Variants in TTC21A observed in about 807,000 individuals in gnomAD.
The protein encoded by TTC21A is tetratricopeptide repeat protein 21A.
In TTC21A, 128 loss-of-function variants were observed where a neutral mutation model predicts 156.4. The ratio of observed to expected loss-of-function variants is 0.82; its 90% CI spans 0.71 to 0.95. The LOEUF is 0.95. Ranked by LOEUF, TTC21A falls within the 40% of genes least tolerant of loss-of-function variation. The probability of loss-of-function intolerance (pLI) is 0.00; values close to 1 mark genes in which losing one functional copy is unlikely to be tolerated. For missense variants in TTC21A, 1,435 were observed against 1,602.3 expected (o/e 0.90, Z 1.78); for synonymous variants, 587 against 617.1 (o/e 0.95, Z 0.72).
At position 39,114,755 on chromosome 3, in the gene TTC21A, A is replaced by G. The variant is rs1411657471; in HGVS notation, c.716+13A>G. ...AAATGGGACACAGGTGAGCTACTGC[A>G]CAAATGGGCAGCCAAGGGTGGTAAC... On this transcript the variant is annotated intron_variant, in intron 6 of 28. Coordinates refer to ENST00000683103, the MANE Select transcript of TTC21A (RefSeq NM_001366900.1). The G allele has an allele frequency of 1.9e-6, 3 of 1,613,974 alleles. No homozygotes were observed. The highest frequency in any genetic ancestry group is 2.5e-6 in the Non-Finnish European group (3 of 1,179,966).
At chr3:39,135,035 T>G in intron 21 of TTC21A, 58 bp from the exon 22 acceptor site, 9 of 752,258 alleles carry the variant, frequency 1.2e-5, no homozygotes, top group Non-Finnish European at 1.6e-5. Flanking sequence ...CGCCTCCCCC[T>G]ACACCCATGC....
At chr3:39,121,559 T>C (rs1236324991) in intron 9 of TTC21A, among the ~76,000 whole-genome samples, 1 of 152,192 alleles carries the variant, frequency 6.6e-6, no homozygotes, top group Non-Finnish European at 1.5e-5. Context: ...AGCCTCTAGA[T>C]TCACCTCTGT....
In TTC21A at chr3:39,128,895, T is replaced by C. The variant is rs375065952; in HGVS notation, c.1859T>C (p.Leu620Ser). Residue 620 changes from leucine (L) to serine (S), a missense_variant, in exon 14 of 29, where the codon TTG becomes TCG. Leu to Ser is a moderately radical substitution (Grantham distance 145, BLOSUM62 -2). Transcript: ENST00000683103. ...VQPSQRASILLELVEALRLNG... is the reference protein window; with the variant it reads ...VQPSQRASILSELVEALRLNG... ...CCTAGCCAGCGGGCATCCATCTTAT[T>C]GGAACTGGTGGAGGCCCTCCGGCTG... The C allele has an allele frequency of 3.7e-6, 6 of 1,614,064 alleles. No homozygotes were observed. The highest frequency in any genetic ancestry group is 5.1e-6 in the Non-Finnish European group (6 of 1,180,034).
In TTC21A at chr3:39,134,153, A is replaced by G; in HGVS notation, c.2752-65A>G. 9.7e-7 allele frequency: 1 copy of G among 1,029,570 alleles called. No homozygotes were observed. Among genetic ancestry groups the G allele is most frequent in the Admixed American group, 1.7e-5 (1 of 57,608 alleles). 63.8% of individuals were successfully genotyped at this position (1,029,570 alleles called of 1,614,324 possible). A position where few individuals can be genotyped will look rare whatever the true frequency, so the allele number is the denominator to read the frequency against. On this transcript the variant is annotated intron_variant, in intron 20 of 28. Transcript: ENST00000683103. The surrounding 1 kb of genome is among the most constrained non-coding windows in gnomAD (Gnocchi z 4.6). ...TGGGGTGTGAGGGAAAGAGCTGTCA[A>G]GGATAACCCCAGGGGTTTCCCATGG...
rs781458156 is a variant in TTC21A at position 39,128,411 on chromosome 3, T to C, written c.1603T>C (p.Cys535Arg). Residue 535 changes from cysteine (C) to arginine (R), a missense_variant, in exon 13 of 29, where the codon TGT becomes CGT. By Grantham distance (180) the Cys-to-Arg change is radical (BLOSUM62 -3). Coordinates refer to ENST00000683103, the MANE Select transcript of TTC21A (RefSeq NM_001366900.1). ...PASVDAHLLM[C>R]QIYLAQGNFG... Reference sequence around the variant, plus strand: ...CTCCGTGGATGCCCATCTCCTCATGTGTCAGATCTACTTGGCTCAGGGCAA... The same window carrying C: ...CTCCGTGGATGCCCATCTCCTCATGCGTCAGATCTACTTGGCTCAGGGCAA... 6.2e-7 allele frequency: 1 copy of C among 1,614,204 alleles called. No homozygotes were observed. Among genetic ancestry groups the C allele is most frequent in the Non-Finnish European group, 8.5e-7 (1 of 1,180,038 alleles).
intron 3 of TTC21A, 82 bp from the exon 4 acceptor site, chr3:39,110,769 C>G (rs2036752106): frequency 6.6e-7 from 1 of 1,520,846 alleles, no homozygotes; most frequent in Non-Finnish European, 9.0e-7. Context: ...GAGGTAGTTC[C>G]CTGGGCCCTC....
chr3:39,112,906 C>T (rs1033732621), intron 5 of TTC21A, among the ~76,000 whole-genome samples: 1 of 152,106 alleles, frequency 6.6e-6, no homozygotes, highest in Non-Finnish European at 1.5e-5. Context: ...ACTCAGTGCC[C>T]TTCTCCCTTT....
intron 8 of TTC21A, among the ~76,000 whole-genome samples, chr3:39,120,482 A>G (rs1008767269): frequency 1.3e-5 from 2 of 152,200 alleles, no homozygotes; most frequent in African/African-American, 2.4e-5. Context: ...ACAAATCTGT[A>G]TCTCTTTCAG....
Position 39,129,288 on chromosome 3 carries a change from C to A in TTC21A, c.2113C>A (p.Arg705Ser), listed in dbSNP as rs764328843. 6.2e-7 allele frequency: 1 copy of A among 1,614,026 alleles called. No individual in the cohort carries two copies. The highest frequency in any genetic ancestry group is 8.5e-7 in the Non-Finnish European group (1 of 1,179,860). ...NIYLQTLRDR[R>S]LYIRCYRELC... ...CTACCTGCAGACCCTCAGAGACAGG[C>A]GCCTCTACATCAGATGCTACCGGTA... Residue 705 changes from arginine (R) to serine (S), a missense_variant, in exon 15 of 29, where the codon CGC (arginine) becomes AGC (serine). By Grantham distance (110) the Arg-to-Ser change is moderately radical. Coordinates refer to ENST00000683103, the MANE Select transcript of TTC21A (RefSeq NM_001366900.1).
chr3:39,128,383 C>T lies in TTC21A; in HGVS notation c.1575C>T (p.Pro525=), dbSNP rs185930978. ...TGCAGCGTTGCCTGGAGCTGGACCCCGCCTCCGTGGATGCCCATCTCCTCA... is the reference window on the plus strand; with the variant it reads ...TGCAGCGTTGCCTGGAGCTGGACCCTGCCTCCGTGGATGCCCATCTCCTCA... ...SILQRCLELD[P]ASVDAHLLMC... The change falls in exon 13 of 29, where the codon CCC becomes CCT. Residue 525 remains proline, a synonymous_variant. Coordinates refer to ENST00000683103, the MANE Select transcript of TTC21A (RefSeq NM_001366900.1). The T allele has an allele frequency of 7.2e-5, 117 of 1,614,152 alleles. No homozygotes were observed. The Admixed American group carries it at 9.7e-4, about 13-fold the overall frequency.
At position 39,117,654 on chromosome 3, in the gene TTC21A, G is replaced by T. The variant is rs1056917909; in HGVS notation, c.717-415G>T. ...AAAGGTTATTCCTCCTCCAGGCAAA[G>T]TTGGTGGTGGCTCAGGGCTGGGATG... On this transcript the variant is annotated intron_variant, in intron 6 of 28. Transcript: ENST00000683103. 5.9e-5 allele frequency among the ~76,000 whole-genome samples: 9 copies of T among 152,202 alleles called. No homozygotes were observed. In the East Asian group the frequency reaches 1.7e-3, roughly 29 times the overall value.
At chr3:39,110,248 G>A (rs1232062567) in intron 3 of TTC21A, 109 bp downstream of exon 3, 1 of 818,434 alleles carries the variant, frequency 1.2e-6, no homozygotes, top group Admixed American at 2.0e-5. Context: ...GTGCCCTGGT[G>A]GCTGTGCAGA....
chr3:39,124,674 G>A lies in TTC21A; in HGVS notation c.1094-389G>A, dbSNP rs199899545. 2.4e-3 allele frequency among the ~76,000 whole-genome samples: 138 copies of A among 57,754 alleles called. 1 individual carries two copies. The highest frequency in any genetic ancestry group is 9.2e-3 in the East Asian group (10 of 1,084). 37.9% of individuals were successfully genotyped at this position (57,754 alleles called of 152,430 possible). On this transcript the variant is annotated intron_variant, in intron 9 of 28. Transcript: ENST00000683103. ...ACTCCGTCTCAAAAAAAAAAAAAAA[G>A]CAGATTGTAGAATGGTGTATGTGAA...
intron 9 of TTC21A, among the ~76,000 whole-genome samples, chr3:39,121,701 A>T (rs1013167376): frequency 6.6e-6 from 1 of 152,170 alleles, no homozygotes; most frequent in South Asian, 2.1e-4. Flanking sequence ...CTACAGTGCC[A>T]TTTCCATTTT....
chr3:39,123,652 A>G (rs922766436), intron 9 of TTC21A, among the ~76,000 whole-genome samples: 9 of 152,058 alleles, frequency 5.9e-5, no homozygotes, highest in African/African-American at 2.2e-4. Flanking sequence ...TGGAAGCTGC[A>G]AAGTTTGGCT....
chr3:39,114,662 C>A lies in TTC21A; in HGVS notation c.636C>A (p.Ser212Arg). The A allele has an allele frequency of 1.9e-6, 3 of 1,614,192 alleles. No individual in the cohort carries two copies. Among genetic ancestry groups the A allele is most frequent in the Non-Finnish European group, 2.5e-6 (3 of 1,180,024 alleles). ...VVNQITVTSG[S>R]FLPALVLKMQ... is the part of the protein sequence containing the mutation. ...ACCAGATCACTGTGACTTCAGGGAG[C>A]TTCCTGCCAGCCCTCGTCCTGAAGA... The change falls in exon 6 of 29, where the codon AGC (serine) becomes AGA (arginine). Residue 212 changes from serine (S) to arginine (R), a missense_variant. Transcript: ENST00000683103.
chr3:39,134,996 C>T lies in TTC21A; in HGVS notation c.2863-97C>T, dbSNP rs2039001117. 2 of 1,079,820 alleles carry T rather than the reference C, an allele frequency of 1.9e-6. No individual in the cohort carries two copies. Among genetic ancestry groups the T allele is most frequent in the Non-Finnish European group, 2.9e-6 (2 of 697,548 alleles). The allele number at this position is 1,079,820 out of a possible 1,614,324, so 66.9% of individuals were successfully genotyped here. A position where few individuals can be genotyped will look rare whatever the true frequency, so the allele number is the denominator to read the frequency against. ...CCTTGCAAGTCCTTTTCTACCTTCC[C>T]TTCTTACCACCATCACCCCCATACC... On this transcript the variant is annotated intron_variant, in intron 21 of 28. Coordinates refer to ENST00000683103, the MANE Select transcript of TTC21A (RefSeq NM_001366900.1). The surrounding 1 kb of genome is among the most constrained non-coding windows in gnomAD (Gnocchi z 4.6).
rs754883644 is a variant in TTC21A at position 39,121,068 on chromosome 3, G to A, written c.972G>A (p.Ser324=). 35 of 1,613,932 alleles carry A rather than the reference G, an allele frequency of 2.2e-5. 1 individual carries two copies. Among genetic ancestry groups the A allele is most frequent in the South Asian group, 5.5e-5 (5 of 91,084 alleles). The change falls in exon 9 of 29, where the codon TCG becomes TCA. Residue 324 remains serine, a synonymous_variant. Transcript: ENST00000683103. ...AGCGCACCTTCATGGCCACCCCCTCGTATGTCCATGTGGCCACAGAACTGG... is the reference window on the plus strand; with the variant it reads ...AGCGCACCTTCATGGCCACCCCCTCATATGTCCATGTGGCCACAGAACTGG... The part of the protein sequence containing the change: ...FIERTFMATP[S]YVHVATELGY...
intron 6 of TTC21A, among the ~76,000 whole-genome samples, chr3:39,117,320 G>A (rs1398533911): frequency 1.3e-5 from 2 of 152,130 alleles, no homozygotes; most frequent in Non-Finnish European, 2.9e-5. Context: ...TAATCATGTC[G>A]GAATTTAGTA....
Sources: gnomAD v4.1 joint callset for allele counts (sites outside exome capture counted in the v4.1 genomes callset) on GRCh38, gnomAD v4.1.1 for gene constraint, Gnocchi (gnomAD v3.1) non-coding constraint, MANE v1.5 for transcripts, NCBI Gene and HGNC (gene_info 2026-07-23, HGNC 2026-07-21) for gene names.